TMTC1: variants seen among roughly 807,000 people sequenced by gnomAD.
TMTC1 encodes protein O-mannosyl-transferase TMTC1.
A neutral mutation model predicts 104.8 loss-of-function variants in TMTC1; 73 were observed. The observed-to-expected ratio is 0.70, with a 90% CI of 0.58 to 0.85. The LOEUF (loss-of-function observed/expected upper bound fraction) is 0.85, where lower values mean the gene tolerates loss of function less well. Ranked by LOEUF, TMTC1 falls within the 40% of genes least tolerant of loss-of-function variation. TMTC1 has a pLI of 0.00. For missense variants in TMTC1, 1,035 were observed against 1,096.1 expected, an observed-to-expected ratio of 0.94 and a Z score of 0.79; for synonymous variants, 434 against 428.7, an observed-to-expected ratio of 1.01 and a Z score of -0.15.
chr12:29,525,466 G>A (rs1565645565), intron 11 of TMTC1, among the ~76,000 whole-genome samples: 1 of 151,896 alleles, frequency 6.6e-6, no homozygotes. Flanking sequence ...GATTGCAGGT[G>A]TGAGCCACTG....
intron 10 of TMTC1, among the ~76,000 whole-genome samples, chr12:29,547,680 G>T (rs1163189999): frequency 6.6e-6 from 1 of 152,178 alleles, no homozygotes; most frequent in Non-Finnish European, 1.5e-5. Flanking sequence ...TCTGGCTGGG[G>T]TCTGGGTTTA....
intron 5 of TMTC1, among the ~76,000 whole-genome samples, chr12:29,719,273 T>G (rs145884622): frequency 6.6e-6 from 1 of 152,342 alleles, no homozygotes; most frequent in East Asian, 1.9e-4. Context: ...TTTTGTTCAC[T>G]CGTGCATTTT....
intron 11 of TMTC1, among the ~76,000 whole-genome samples, chr12:29,522,895 A>C (rs1216834115): frequency 6.6e-6 from 1 of 152,160 alleles, no homozygotes; most frequent in Admixed American, 6.5e-5. Context: ...AAACATTTGA[A>C]ACACTTAGAA....
intron 5 of TMTC1, among the ~76,000 whole-genome samples, chr12:29,699,031 C>T: frequency 6.6e-6 from 1 of 152,118 alleles, no homozygotes; most frequent in Non-Finnish European, 1.5e-5. Context: ...GGGAGAGGAC[C>T]AACTGGGTTT....
chr12:29,671,106 G>C (rs28499879), intron 5 of TMTC1, among the ~76,000 whole-genome samples: 5,436 of 150,206 alleles, frequency 0.036, 319 homozygotes, highest in African/African-American at 0.12. Flanking sequence ...AGCCTGACCA[G>C]CATGGTGAAA....
intron 7 of TMTC1, among the ~76,000 whole-genome samples, chr12:29,591,123 T>C (rs1306780057): frequency 6.6e-6 from 1 of 152,214 alleles, no homozygotes; most frequent in Non-Finnish European, 1.5e-5. Flanking sequence ...TAATCTCTAC[T>C]TAGGTTTGCA....
At chr12:29,562,382 G>C (rs1438918286) in intron 9 of TMTC1, among the ~76,000 whole-genome samples, 1 of 152,328 alleles carries the variant, frequency 6.6e-6, no homozygotes, top group African/African-American at 2.4e-5. Flanking sequence ...AATTTTCCAA[G>C]ACTATGCAGA....
chr12:29,642,861 CT>C (rs1189948017), intron 5 of TMTC1, among the ~76,000 whole-genome samples: 1 of 151,378 alleles, frequency 6.6e-6, no homozygotes, highest in Non-Finnish European at 1.5e-5. Flanking sequence ...GGAGGCGGAG[CT>C]TACAGTGAGC....
chr12:29,758,600 A>G, intron 3 of TMTC1, 104 bp downstream of exon 3: 1 of 1,134,472 alleles, frequency 8.8e-7, no homozygotes. Flanking sequence ...AATCTTGCTT[A>G]GCATTTCACA....
chr12:29,632,870 A>G (rs1431093777), intron 6 of TMTC1, among the ~76,000 whole-genome samples: 3 of 152,170 alleles, frequency 2.0e-5, no homozygotes, highest in Non-Finnish European at 1.5e-5. Flanking sequence ...TTCATTTATC[A>G]TTATATTAAG....
chr12:29,628,362 C>A (rs897612551), intron 6 of TMTC1, among the ~76,000 whole-genome samples: 1 of 152,110 alleles, frequency 6.6e-6, no homozygotes. Flanking sequence ...GCCAGACATA[C>A]AAGATTACAT....
intron 6 of TMTC1, among the ~76,000 whole-genome samples, chr12:29,630,720 A>G (rs1406574668): frequency 6.6e-6 from 1 of 152,234 alleles, no homozygotes; most frequent in Non-Finnish European, 1.5e-5. Flanking sequence ...TTATAAATAA[A>G]GCTGTATGAA....
At chr12:29,774,063 C>A (rs143270939) in intron 1 of TMTC1, among the ~76,000 whole-genome samples, 9 of 152,236 alleles carry the variant, frequency 5.9e-5, no homozygotes, top group African/African-American at 2.2e-4. Flanking sequence ...ATGTGATAAA[C>A]GCATGCCAGC....
chr12:29,701,092 G>A (rs1230145512), intron 5 of TMTC1, among the ~76,000 whole-genome samples: 2 of 146,698 alleles, frequency 1.4e-5, no homozygotes, highest in African/African-American at 5.1e-5. Context: ...TGAGAGTCTT[G>A]CTTTTGCCAG....
intron 6 of TMTC1, among the ~76,000 whole-genome samples, chr12:29,605,560 AC>A (rs1192743898): frequency 1.5e-5 from 2 of 135,756 alleles, no homozygotes; most frequent in African/African-American, 5.7e-5. Flanking sequence ...ACCAAAACTG[AC>A]CAAAAAGGGT....
chr12:29,527,743 ATTACT>A lies in TMTC1; in HGVS notation c.1786-7028_1786-7024del, dbSNP rs1223217218. On this transcript the variant is annotated intron_variant, in intron 11 of 17. Transcript: ENST00000539277. The stretch of plus-strand genomic sequence containing the variant: ...CAATTACTGCTTTACTGGATCTAAT[ATTACT>A]TTTTTTCCCACTTTCTTGCTCCTCC... 2.0e-5 allele frequency among the ~76,000 whole-genome samples: 3 copies of A among 152,314 alleles called. No individual in the cohort carries two copies. In the East Asian group the frequency reaches 5.8e-4, roughly 29 times the overall value.
At chr12:29,768,510 G>A (rs302317) in intron 1 of TMTC1, among the ~76,000 whole-genome samples, 37,048 of 152,058 alleles carry the variant, frequency 0.24, 5,702 homozygotes, top group Non-Finnish European at 0.35. Flanking sequence ...ATGAAACTAC[G>A]ATTATAGTCA....
intron 5 of TMTC1, among the ~76,000 whole-genome samples, chr12:29,747,803 T>C (rs951247907): frequency 1.8e-4 from 27 of 152,168 alleles, no homozygotes; most frequent in African/African-American, 6.5e-4. Context: ...CATGTACAAA[T>C]GCTTTTAGTC....
rs1203050402 is a variant in TMTC1, at chr12:29,530,796, T to C, written c.1785+5413A>G. 3.9e-5 allele frequency among the ~76,000 whole-genome samples: 6 copies of C among 152,180 alleles called. 1 individual carries two copies. Among genetic ancestry groups the C allele is most frequent in the Non-Finnish European group, 8.8e-5 (6 of 68,026 alleles). ...AATTTGTAGATCTCATGATTTTAAG[T>C]TGACATATTAGAAGTAAGCTCAATA... On this transcript the variant is annotated intron_variant, in intron 11 of 17. Transcript: ENST00000539277.
Sources: allele counts gnomAD v4.1 joint callset (sites outside exome capture counted in the v4.1 genomes callset), GRCh38; gene constraint gnomAD v4.1.1; transcripts MANE v1.5; gene names NCBI Gene and HGNC (gene_info 2026-07-23, HGNC 2026-07-21).